The following SH3GL3 variants were observed in gnomAD, a reference collection of about 807,000 sequenced individuals.
The protein encoded by SH3GL3 is endophilin-A3.
Under a neutral mutation model 47.7 loss-of-function variants are expected in SH3GL3, and 33 were observed. That is an observed-to-expected ratio of 0.69 (90% confidence interval 0.52 to 0.92). The LOEUF is 0.92. SH3GL3 is among the 40% of genes least tolerant of loss of function. SH3GL3 has a pLI of 0.00. For missense variants in SH3GL3, 363 were observed against 417.8 expected (o/e 0.87, Z 1.14); for synonymous variants, 155 against 148.8 (o/e 1.04, Z -0.30).
chr15:83,601,639 A>G (rs1315391717), intron 8 of SH3GL3, among the ~76,000 whole-genome samples: 1 of 151,954 alleles, frequency 6.6e-6, no homozygotes, highest in African/African-American at 2.4e-5. Flanking sequence ...TTCATCAGGG[A>G]TATTGGTCTG....
Position 83,448,442 on chromosome 15 carries a change from A to G in SH3GL3, c.45+864A>G, listed in dbSNP as rs376393018. Among the ~76,000 whole-genome samples, 58 of 140,738 alleles carry G rather than the reference A, an allele frequency of 4.1e-4. No individual in the cohort carries two copies. The highest frequency in any genetic ancestry group is 3.7e-3 in the Middle Eastern group (1 of 272). The allele number at this position is 140,738 out of a possible 152,430, so 92.3% of individuals were successfully genotyped here. A position where few individuals can be genotyped will look rare whatever the true frequency, so the allele number is the denominator to read the frequency against. On this transcript the variant is annotated intron_variant, in intron 1 of 8. Coordinates refer to ENST00000427482, the MANE Select transcript of SH3GL3 (RefSeq NM_003027.5). This position sits in a 1 kb window ranked among gnomAD's most constrained non-coding sequence, Gnocchi z 4.2. ...AAACAGGAGGGGAGACATGAAATTG[A>G]TGTGTGTGTGTGTGTGTGTGTGTGT...
intron 8 of SH3GL3, among the ~76,000 whole-genome samples, chr15:83,606,954 A>G (rs939790370): frequency 6.6e-6 from 1 of 152,226 alleles, no homozygotes; most frequent in African/African-American, 2.4e-5. Flanking sequence ...AAATATGATT[A>G]TTATTGTTGA....
intron 8 of SH3GL3, among the ~76,000 whole-genome samples, chr15:83,600,789 G>A (rs756550541): frequency 1.3e-5 from 2 of 152,102 alleles, no homozygotes; most frequent in East Asian, 1.9e-4. Flanking sequence ...TTGGCAGTAT[G>A]GTTATCTTCA....
At chr15:83,604,560 C>T (rs186979234) in intron 8 of SH3GL3, among the ~76,000 whole-genome samples, 7 of 152,232 alleles carry the variant, frequency 4.6e-5, no homozygotes, top group Admixed American at 2.0e-4. Flanking sequence ...TAGACATAGA[C>T]ATAACTCATT....
At chr15:83,550,345 A>G (rs939605967) in intron 1 of SH3GL3, among the ~76,000 whole-genome samples, 1 of 152,216 alleles carries the variant, frequency 6.6e-6, no homozygotes, top group Admixed American at 6.5e-5. Flanking sequence ...GCCACATCTT[A>G]CATATATGTG....
intron 8 of SH3GL3, among the ~76,000 whole-genome samples, chr15:83,603,010 T>A (rs569059370): frequency 2.7e-4 from 40 of 148,514 alleles, no homozygotes; most frequent in Non-Finnish European, 5.1e-4. Flanking sequence ...CTTGATTTCC[T>A]TTTTTTTTTG....
chr15:83,627,433 T>C, the SH3GL3 span, among the ~76,000 whole-genome samples: 1 of 151,776 alleles, frequency 6.6e-6, no homozygotes, highest in Non-Finnish European at 1.5e-5. Flanking sequence ...AGGGATGTTC[T>C]ACTTAACTAG....
At chr15:83,532,624 GA>G (rs1285479055) in intron 1 of SH3GL3, among the ~76,000 whole-genome samples, 1 of 152,166 alleles carries the variant, frequency 6.6e-6, no homozygotes, top group Non-Finnish European at 1.5e-5. Flanking sequence ...TATCAGTTAG[GA>G]ATGAGTTTGG....
At chr15:83,563,058 A>G (rs925816718) in intron 2 of SH3GL3, among the ~76,000 whole-genome samples, 4 of 152,194 alleles carry the variant, frequency 2.6e-5, no homozygotes, top group Admixed American at 6.5e-5. Context: ...AAATTAATGT[A>G]TTTACCTAAG....
intron 1 of SH3GL3, among the ~76,000 whole-genome samples, chr15:83,494,368 A>G (rs1403987535): frequency 6.6e-6 from 1 of 152,198 alleles, no homozygotes; most frequent in Non-Finnish European, 1.5e-5. Context: ...GAGAGGTCTC[A>G]GCTCTGCACA....
chr15:83,537,989 T>C (rs769778463), intron 1 of SH3GL3, among the ~76,000 whole-genome samples: 2 of 152,174 alleles, frequency 1.3e-5, no homozygotes, highest in Middle Eastern at 3.2e-3. Context: ...TAATATTTAT[T>C]ATATGTGTTT....
chr15:83,473,144 G>A (rs1469917305), intron 1 of SH3GL3, among the ~76,000 whole-genome samples: 2 of 151,854 alleles, frequency 1.3e-5, no homozygotes, highest in Admixed American at 6.6e-5. Flanking sequence ...CACCCCAGTG[G>A]GGAGGAGCAA....
chr15:83,487,509 A>G (rs532722426), intron 1 of SH3GL3, among the ~76,000 whole-genome samples: 6 of 152,242 alleles, frequency 3.9e-5, no homozygotes, highest in African/African-American at 7.2e-5. Flanking sequence ...AGAAGTTTCT[A>G]TACTTTCCTG....
intron 8 of SH3GL3, among the ~76,000 whole-genome samples, chr15:83,615,547 A>T (rs2060790205): frequency 6.6e-6 from 1 of 152,152 alleles, no homozygotes; most frequent in Non-Finnish European, 1.5e-5. Context: ...CCTGGCCTCA[A>T]GTGAACTGCC....
intron 1 of SH3GL3, among the ~76,000 whole-genome samples, chr15:83,472,138 C>T (rs2040860215): frequency 6.6e-6 from 1 of 152,232 alleles, no homozygotes; most frequent in Non-Finnish European, 1.5e-5. Flanking sequence ...CCTGCCTCAG[C>T]CTCCCAAAGT....
In SH3GL3 at chr15:83,572,606, G is replaced by T. The variant is rs1162246464; in HGVS notation, c.373G>T (p.Ala125Ser). The stretch of plus-strand genomic sequence containing the variant: ...AGTTGGTGAATCCATGAAGCTAATG[G>T]CTGAGGTGAAAGACTCTCTTGATAT... ...IEVGESMKLMAEVKDSLDINV... is the reference protein window; with the variant it reads ...IEVGESMKLMSEVKDSLDINV... Residue 125 changes from alanine to serine, a missense_variant, in exon 5 of 9, where the codon GCT (alanine) becomes TCT (serine). Transcript: ENST00000427482. 3.1e-6 allele frequency: 5 copies of T among 1,611,898 alleles called. No individual in the cohort carries two copies. Among genetic ancestry groups the T allele is most frequent in the Non-Finnish European group, 3.4e-6 (4 of 1,178,020 alleles).
chr15:83,606,591 G>A (rs2060522797), intron 8 of SH3GL3, among the ~76,000 whole-genome samples: 1 of 151,844 alleles, frequency 6.6e-6, no homozygotes, highest in African/African-American at 2.4e-5. Flanking sequence ...TCCACTAATA[G>A]CCTTCCCCCC....
chr15:83,571,397 G>T (rs2045810323), intron 4 of SH3GL3, among the ~76,000 whole-genome samples: 1 of 152,176 alleles, frequency 6.6e-6, no homozygotes, highest in Non-Finnish European at 1.5e-5. Flanking sequence ...CCACAGGCTA[G>T]GAAGGGACAT....
At chr15:83,481,684 T>A (rs1276605704) in intron 1 of SH3GL3, among the ~76,000 whole-genome samples, 1 of 152,216 alleles carries the variant, frequency 6.6e-6, no homozygotes. Flanking sequence ...GTACAAAGGT[T>A]TTTAGAGACT....
Sources: gnomAD v4.1 joint callset for allele counts (sites outside exome capture counted in the v4.1 genomes callset) on GRCh38, gnomAD v4.1.1 for gene constraint, Gnocchi (gnomAD v3.1) non-coding constraint, MANE v1.5 for transcripts, NCBI Gene and HGNC (gene_info 2026-07-23, HGNC 2026-07-21) for gene names.